The following PRRC2C variants were observed in gnomAD, a reference collection of about 807,000 sequenced individuals.
PRRC2C encodes the protein protein PRRC2C.
In PRRC2C, 72 loss-of-function variants were observed where a neutral mutation model predicts 317.2. The observed-to-expected ratio is 0.23, with a 90% confidence interval of 0.19 to 0.28. The LOEUF (loss-of-function observed/expected upper bound fraction) is 0.28. Among genes scored for constraint, PRRC2C ranks in the 10% least tolerant of loss-of-function variants. The pLI, the probability that PRRC2C is intolerant of heterozygous loss-of-function variation, is 1.00. For missense variants in PRRC2C, 3,074 were observed against 3,459.7 expected (o/e 0.89, Z 2.80); for synonymous variants, 1,296 against 1,205.9 (o/e 1.07, Z -1.55).
chr1:171,502,764 C>T (rs1010213934), intron 1 of PRRC2C, among the ~76,000 whole-genome samples: 5 of 152,176 alleles, frequency 3.3e-5, no homozygotes, highest in Non-Finnish European at 5.9e-5. Flanking sequence ...TTGCTCCGTA[C>T]ACAGGCTGGA....
chr1:171,530,413 T>TTTTTGTA (rs1335815721), intron 11 of PRRC2C, among the ~76,000 whole-genome samples: 1 of 151,644 alleles, frequency 6.6e-6, no homozygotes, highest in Non-Finnish European at 1.5e-5. Context: ...CCGGCTAATT[T>TTTTTGTA]TTTTGTATTT....
chr1:171,499,182 T>C (rs912249404), intron 1 of PRRC2C, among the ~76,000 whole-genome samples: 1 of 152,198 alleles, frequency 6.6e-6, no homozygotes, highest in African/African-American at 2.4e-5. Flanking sequence ...TTTCAAACCT[T>C]TTCCAGCCTC....
intron 12 of PRRC2C, among the ~76,000 whole-genome samples, chr1:171,533,196 G>A (rs1163088317): frequency 6.6e-6 from 1 of 152,170 alleles, no homozygotes; most frequent in African/African-American, 2.4e-5. Context: ...TTTATCTGCA[G>A]AATTGTATTG....
intron 25 of PRRC2C, among the ~76,000 whole-genome samples, chr1:171,575,467 A>G (rs1016485825): frequency 6.6e-6 from 1 of 152,238 alleles, no homozygotes; most frequent in East Asian, 1.9e-4. Flanking sequence ...CTGTTGGCCT[A>G]AACCTGTTGG....
chr1:171,546,947 C>CCCAG (rs1333746709), intron 17 of PRRC2C, among the ~76,000 whole-genome samples: 5 of 151,902 alleles, frequency 3.3e-5, no homozygotes, highest in South Asian at 2.1e-4. Flanking sequence ...ACATAATAGG[C>CCCAG]CCAGGGCAGT....
At chr1:171,537,890 GTTTTGTTTTTGT>G (rs768089860) in intron 15 of PRRC2C, among the ~76,000 whole-genome samples, 27 of 151,034 alleles carry the variant, frequency 1.8e-4, no homozygotes, top group African/African-American at 5.2e-4. Context: ...GGGGTTTTTT[GTTTTGTTTTTGT>G]TTTTGTTTTT....
At position 171,586,483 on chromosome 1, in the gene PRRC2C, A is replaced by G. The variant is rs146645052; in HGVS notation, c.7750-520A>G. 7.9e-4 allele frequency among the ~76,000 whole-genome samples: 120 copies of G among 152,048 alleles called. 2 individuals are homozygous for G. In the South Asian group the frequency reaches 0.018, roughly 23 times the overall value. On this transcript the variant is annotated intron_variant, in intron 30 of 34. Coordinates refer to ENST00000647382, the MANE Select transcript of PRRC2C (RefSeq NM_001387844.1). Reference sequence around the variant, plus strand: ...TTGATTTTCAGATTAGAGATACTCAACTTGTCATCACTAAGCAAAAGAAAT... The same window carrying G: ...TTGATTTTCAGATTAGAGATACTCAGCTTGTCATCACTAAGCAAAAGAAAT...
intron 11 of PRRC2C, among the ~76,000 whole-genome samples, chr1:171,531,173 G>T (rs1384769867): frequency 6.6e-6 from 1 of 152,176 alleles, no homozygotes; most frequent in African/African-American, 2.4e-5. Context: ...AACTATACAA[G>T]GTTAGGGTTG....
intron 19 of PRRC2C, among the ~76,000 whole-genome samples, chr1:171,560,006 T>TG (rs973863329): frequency 2.6e-5 from 4 of 152,212 alleles, no homozygotes; most frequent in Admixed American, 6.5e-5. Context: ...CTGCAGCCCA[T>TG]GGATCAAGGA....
Position 171,541,902 on chromosome 1 carries a change from G to A in PRRC2C, c.4436G>A (p.Gly1479Glu), listed in dbSNP as rs764433170. ...GTTAATACTCTTGGGGATATTTCCG[G>A]GAATAAGACACCAGATTTATCTAAT... ...EPVNTLGDISGNKTPDLSNQN... is the reference protein window; with the variant it reads ...EPVNTLGDISENKTPDLSNQN... The change falls in exon 16 of 35, where the codon GGG becomes GAG. Residue 1479 changes from glycine to glutamate, a missense_variant. Physicochemically the swap from Gly to Glu is moderately conservative, Grantham distance 98. Transcript: ENST00000647382. The surrounding 1 kb of genome is among the most constrained non-coding windows in gnomAD (Gnocchi z 4.1). 60 of 1,613,600 alleles carry A rather than the reference G, an allele frequency of 3.7e-5. No homozygotes were observed. The highest frequency in any genetic ancestry group is 4.4e-5 in the Non-Finnish European group (52 of 1,179,828).
At position 171,517,707 on chromosome 1, in the gene PRRC2C, A is replaced by G; in HGVS notation, c.643A>G (p.Ile215Val). Residue 215 changes from isoleucine to valine, a missense_variant, in exon 6 of 35, where the codon ATC becomes GTC. Physicochemically the swap from Ile to Val is conservative, Grantham distance 29 (BLOSUM62 3). This residue lies in a region of PRRC2C where 237 missense variants were observed against 199.5 expected (regional missense o/e 1.19). Transcript: ENST00000647382. ...STAGTSEQND[I>V]LKVVEKRIAC... ...AGCTGGAACATCAGAGCAAAATGAT[A>G]TCCTCAAAGTGGTGGAAAAGAGGAT... The G allele has an allele frequency of 6.2e-7, 1 of 1,613,784 alleles. No homozygotes were observed. The highest frequency in any genetic ancestry group is 1.3e-5 in the African/African-American group (1 of 74,982).
intron 16 of PRRC2C, 51 bp from the exon 17 acceptor site, chr1:171,545,428 C>A (rs1221580717): frequency 1.4e-6 from 2 of 1,473,176 alleles, no homozygotes; most frequent in East Asian, 2.5e-5. Flanking sequence ...GAGCATTTTT[C>A]TTTTGTTTGG....
In PRRC2C at chr1:171,592,028, C is replaced by G. The variant is rs551946795; in HGVS notation, c.*181C>G. 6 of 740,814 alleles carry G rather than the reference C, an allele frequency of 8.1e-6. No homozygotes were observed. In the Admixed American group the frequency reaches 1.5e-4, roughly 18 times the overall value. The allele number at this position is 740,814 out of a possible 1,614,324, so 45.9% of individuals were successfully genotyped here. ...CACACAGCTGCTGTACCAGTGAAAA[C>G]GAGGCTTTGCAAGCTTGTACCTACT... On this transcript the variant is annotated 3_prime_UTR_variant, in exon 35 of 35. Transcript: ENST00000647382.
At chr1:171,583,502 A>G (rs1649178317) in intron 28 of PRRC2C, among the ~76,000 whole-genome samples, 1 of 152,156 alleles carries the variant, frequency 6.6e-6, no homozygotes, top group Non-Finnish European at 1.5e-5. Context: ...CTTCTTCTGG[A>G]ATACCCGCTA....
intron 1 of PRRC2C, among the ~76,000 whole-genome samples, chr1:171,489,848 A>C (rs1033546244): frequency 2.6e-5 from 4 of 152,156 alleles, no homozygotes; most frequent in African/African-American, 9.7e-5. Flanking sequence ...CTTCGTCCCA[A>C]ACCATCTGCC....
intron 9 of PRRC2C, among the ~76,000 whole-genome samples, chr1:171,524,579 T>A (rs1235056053): frequency 6.6e-6 from 1 of 152,180 alleles, no homozygotes; most frequent in Admixed American, 6.5e-5. Context: ...GTGATTATAT[T>A]CTTTTGCCAG....
At chr1:171,566,147 ATTGTAC>A in intron 20 of PRRC2C, 80 bp from the exon 21 acceptor site, 1 of 1,065,840 alleles carries the variant, frequency 9.4e-7, no homozygotes, top group East Asian at 2.6e-5. Context: ...TAAACCTTCT[ATTGTAC>A]TTAAACTGTA....
At chr1:171,499,286 T>C (rs1165719478) in intron 1 of PRRC2C, among the ~76,000 whole-genome samples, 1 of 152,226 alleles carries the variant, frequency 6.6e-6, no homozygotes, top group Non-Finnish European at 1.5e-5. Flanking sequence ...TGGTAGACAC[T>C]GGGTAAATAT....
At chr1:171,566,943 C>A in intron 22 of PRRC2C, 100 bp downstream of exon 22, 1 of 1,272,414 alleles carries the variant, frequency 7.9e-7, no homozygotes, top group Non-Finnish European at 1.1e-6. Flanking sequence ...CCTGCTGAGG[C>A]ATATAACTCT....
Sources: allele counts gnomAD v4.1 joint callset (sites outside exome capture counted in the v4.1 genomes callset), GRCh38; gene constraint gnomAD v4.1.1; regional missense constraint gnomAD v4.1.1; non-coding constraint Gnocchi (gnomAD v3.1); transcripts MANE v1.5; gene names NCBI Gene and HGNC (gene_info 2026-07-23, HGNC 2026-07-21).